KCTD17: variants seen among roughly 807,000 people sequenced by gnomAD.
KCTD17 encodes BTB/POZ domain-containing protein KCTD17.
KCTD17 carries 20 observed loss-of-function variants against 41.5 expected under a neutral mutation model. The observed-to-expected ratio is 0.48, with a 90% CI of 0.34 to 0.70. The LOEUF is 0.70. KCTD17 is among the 30% of genes least tolerant of loss of function. KCTD17 has a pLI of 0.01. For synonymous variants in KCTD17, 156 were observed against 173.8 expected (o/e 0.90, Z 0.80); for missense variants, 317 against 427.2 (o/e 0.74, Z 2.27).
At position 37,053,058 on chromosome 22, in the gene KCTD17, A is replaced by C. The variant is rs1924679540; in HGVS notation, c.190-42A>C. 6.8e-7 allele frequency: 1 copy of C among 1,478,854 alleles called. No individual in the cohort carries two copies. The highest frequency in any genetic ancestry group is 1.4e-5 in the African/African-American group (1 of 71,438). 91.6% of individuals were successfully genotyped at this position (1,478,854 alleles called of 1,614,324 possible). A position where few individuals can be genotyped will look rare whatever the true frequency, so the allele number is the denominator to read the frequency against. ...TGCGTGTGCGGGGTTGGCTGGGGAG[A>C]AGCCTCACTCTTCTCTCACCGAGCA... On this transcript the variant is annotated intron_variant, in intron 1 of 8. Transcript: ENST00000403888. This position sits in a 1 kb window ranked among gnomAD's most constrained non-coding sequence, Gnocchi z 4.1.
Position 37,053,176 on chromosome 22 carries a change from A to C in KCTD17, c.266A>C (p.Lys89Thr), listed in dbSNP as rs748584295. The change falls in exon 2 of 9, where the codon AAG becomes ACG. Residue 89 changes from lysine to threonine, a missense_variant. Physicochemically the swap from Lys to Thr is moderately conservative, Grantham distance 78 (BLOSUM62 -1). Around this residue, in one of 4 missense-constraint regions of KCTD17, gnomAD observed 99 missense variants for 166.5 expected, o/e 0.59. Transcript: ENST00000403888. The surrounding 1 kb of genome is among the most constrained non-coding windows in gnomAD (Gnocchi z 4.1). ...ATCCTGAACTTCCTCCGGCATGGCA[A>C]GCTGGTGCTGGACAAGGACATGGCT... ...GPILNFLRHG[K>T]LVLDKDMAEE... The C allele has an allele frequency of 6.8e-6, 11 of 1,606,112 alleles. No individual in the cohort carries two copies. Among genetic ancestry groups the C allele is most frequent in the African/African-American group, 6.7e-5 (5 of 74,748 alleles).
chr22:37,055,709 G>A (rs543212945), intron 2 of KCTD17, among the ~76,000 whole-genome samples: 2 of 152,250 alleles, frequency 1.3e-5, no homozygotes, highest in Admixed American at 1.3e-4. Context: ...CAAACTGTAA[G>A]GTGAGGCAGT....
chr22:37,061,490 GC>G lies in KCTD17; in HGVS notation c.785-42del, dbSNP rs759349743. On this transcript the variant is annotated intron_variant, in intron 7 of 8. Transcript: ENST00000403888. The surrounding 1 kb of genome is among the most constrained non-coding windows in gnomAD (Gnocchi z 6.6). The stretch of plus-strand genomic sequence containing the variant: ...AGACTGGGCCCTGGCTGCAGGCCCT[GC>G]CCCCCCTCCTCTCCTCCCGGCCTCC... The G allele has an allele frequency of 7.0e-6, 11 of 1,566,574 alleles. No homozygotes were observed. The highest frequency in any genetic ancestry group is 1.3e-5 in the African/African-American group (1 of 74,098).
chr22:37,052,690 A>G, intron 1 of KCTD17: 1 of 468,606 alleles, frequency 2.1e-6, no homozygotes, highest in Non-Finnish European at 4.4e-6. Flanking sequence ...CCAGTGAGAT[A>G]GTGACTCCTT....
In KCTD17 at chr22:37,060,829, G is replaced by A; in HGVS notation, c.619G>A (p.Glu207Lys). The change falls in exon 6 of 9, where the codon GAG becomes AAG. Residue 207 changes from glutamate (E) to lysine (K), a missense_variant. Transcript: ENST00000403888. ...SESSRKTKST[E>K]EQLEEQQQQE... ...TCCGCCGGCTGGTTCACAGAGCACGGAGGAGCAGCTGGAGGAGCAGCAGCA... is the reference window on the plus strand; with the variant it reads ...TCCGCCGGCTGGTTCACAGAGCACGAAGGAGCAGCTGGAGGAGCAGCAGCA... The A allele has an allele frequency of 1.3e-6, 2 of 1,513,232 alleles. No homozygotes were observed. Among genetic ancestry groups the A allele is most frequent in the Non-Finnish European group, 1.8e-6 (2 of 1,129,514 alleles). The allele number at this position is 1,513,232 out of a possible 1,614,324, so 93.7% of individuals were successfully genotyped here.
In KCTD17 at chr22:37,061,211, T is replaced by A; in HGVS notation, c.784+36T>A. 5 of 1,550,462 alleles carry A rather than the reference T, an allele frequency of 3.2e-6. No individual in the cohort carries two copies. The highest frequency in any genetic ancestry group is 4.4e-6 in the Non-Finnish European group (5 of 1,146,976). ...ATCTTCATCCACCTCTTCTTCCTCC[T>A]GGATCTCATCTGCACCCTGCCTCTT... On this transcript the variant is annotated intron_variant, in intron 7 of 8. Coordinates refer to ENST00000403888, the MANE Select transcript of KCTD17 (RefSeq NM_001282684.2). This position sits in a 1 kb window ranked among gnomAD's most constrained non-coding sequence, Gnocchi z 6.6.
intron 4 of KCTD17, 95 bp downstream of exon 4, chr22:37,057,588 G>C (rs976761245): frequency 2.1e-6 from 2 of 958,680 alleles, no homozygotes; most frequent in African/African-American, 3.2e-5. Flanking sequence ...CCCAGCCTTG[G>C]GTTCCCCACC....
intron 3 of KCTD17, among the ~76,000 whole-genome samples, 186 bp downstream of exon 3, chr22:37,056,597 G>A (rs1048996747): frequency 1.3e-5 from 2 of 152,164 alleles, no homozygotes; most frequent in East Asian, 1.9e-4. Context: ...CCCCAGACTC[G>A]GAGACGGACA....
In KCTD17 at chr22:37,051,919, G is replaced by C; in HGVS notation, c.159G>C (p.Leu53=). Residue 53 remains leucine (L), a synonymous_variant, in exon 1 of 9, where the codon CTG becomes CTC. Transcript: ENST00000403888. ...CREQKSFLSR[L]CQGEELQSDR... ...AGCAGAAGTCCTTCCTCAGCCGCCT[G>C]TGCCAGGGGGAAGAGCTGCAGTCGG... 1 of 1,500,918 alleles carries C rather than the reference G, an allele frequency of 6.7e-7. No individual in the cohort carries two copies. The allele number at this position is 1,500,918 out of a possible 1,614,324, so 93.0% of individuals were successfully genotyped here.
At chr22:37,059,522 A>G (rs1925532625) in intron 5 of KCTD17, 84 bp downstream of exon 5, 7 of 1,475,506 alleles carry the variant, frequency 4.7e-6, no homozygotes, top group Non-Finnish European at 6.4e-6. Context: ...CTGCGCCTGC[A>G]CCATCCCTCC....
intron 4 of KCTD17, 127 bp downstream of exon 4, chr22:37,057,620 G>A (rs1281666952): frequency 1.0e-5 from 7 of 701,462 alleles, no homozygotes; most frequent in Non-Finnish European, 1.7e-5. Flanking sequence ...CAACCCCAGG[G>A]TTCTTCTGAA....
chr22:37,059,493 C>G (rs1925528249), intron 5 of KCTD17, 55 bp downstream of exon 5: 5 of 1,549,512 alleles, frequency 3.2e-6, no homozygotes, highest in Admixed American at 1.7e-5. Flanking sequence ...TCCCTCCACC[C>G]TCCCCGCCTG....
intron 5 of KCTD17, among the ~76,000 whole-genome samples, chr22:37,060,250 T>C (rs1379300989): frequency 6.6e-6 from 1 of 152,214 alleles, no homozygotes; most frequent in African/African-American, 2.4e-5. Context: ...TCTGGCTTCC[T>C]GTCTATCTGT....
At chr22:37,054,470 G>A (rs1449229016) in intron 2 of KCTD17, among the ~76,000 whole-genome samples, 2 of 151,832 alleles carry the variant, frequency 1.3e-5, no homozygotes, top group South Asian at 2.1e-4. Flanking sequence ...GAGGCTAGGG[G>A]ATCACACAGG....
At position 37,062,821 on chromosome 22, in the gene KCTD17, G is replaced by T. The variant is rs1022940466; in HGVS notation, c.*227G>T. ...TGGCAATGTCTGGCTGTGTCTCTCC[G>T]GCACCTGCGTCCCCTCTCCCGGGCT... On this transcript the variant is annotated 3_prime_UTR_variant, in exon 9 of 9. Coordinates refer to ENST00000403888, the MANE Select transcript of KCTD17 (RefSeq NM_001282684.2). The T allele has an allele frequency of 7.3e-6, 7 of 963,882 alleles. No homozygotes were observed. The highest frequency in any genetic ancestry group is 1.0e-5 in the Non-Finnish European group (7 of 679,016). The allele number at this position is 963,882 out of a possible 1,614,324, so 59.7% of individuals were successfully genotyped here.
At chr22:37,057,167 A>G (rs1235133771) in intron 3 of KCTD17, among the ~76,000 whole-genome samples, 1 of 152,148 alleles carries the variant, frequency 6.6e-6, no homozygotes, top group African/African-American at 2.4e-5. Flanking sequence ...CTCAATGGAA[A>G]GTCCCGTAAT....
intron 5 of KCTD17, among the ~76,000 whole-genome samples, chr22:37,060,310 C>G (rs758214126): frequency 3.3e-5 from 5 of 152,210 alleles, no homozygotes; most frequent in Non-Finnish European, 7.4e-5. Flanking sequence ...CCCACCCCCA[C>G]CACTGCCAGG....
In KCTD17 at chr22:37,053,608, C is replaced by T. The variant is rs565839364; in HGVS notation, c.298+400C>T. 3.9e-5 allele frequency among the ~76,000 whole-genome samples: 6 copies of T among 152,334 alleles called. No individual in the cohort carries two copies. The East Asian group carries it at 1.2e-3, about 29-fold the overall frequency. On this transcript the variant is annotated intron_variant, in intron 2 of 8. Transcript: ENST00000403888. This position sits in a 1 kb window ranked among gnomAD's most constrained non-coding sequence, Gnocchi z 4.1. ...CATGGGGAGAGCTCTGTCTCTCTTTCTCTGGCTGATCCAGTATCTCAAATT... is the reference window on the plus strand; with the variant it reads ...CATGGGGAGAGCTCTGTCTCTCTTTTTCTGGCTGATCCAGTATCTCAAATT...
chr22:37,062,454 C>T (rs2146002552), intron 8 of KCTD17, 71 bp from the exon 9 acceptor site: 3 of 1,530,280 alleles, frequency 2.0e-6, no homozygotes, highest in Admixed American at 1.9e-5. Context: ...CCTTGCCCTG[C>T]ATCACCCCCT....
Sources: allele counts gnomAD v4.1 joint callset (sites outside exome capture counted in the v4.1 genomes callset), GRCh38; gene constraint gnomAD v4.1.1; regional missense constraint gnomAD v4.1.1; non-coding constraint Gnocchi (gnomAD v3.1); transcripts MANE v1.5; gene names NCBI Gene and HGNC (gene_info 2026-07-23, HGNC 2026-07-21).